ATRN: variants seen among roughly 807,000 people sequenced by gnomAD.
ATRN encodes attractin.
ATRN carries 54 observed loss-of-function variants against 178.7 expected under a neutral mutation model. The ratio of observed to expected loss-of-function variants is 0.30; its 90% confidence interval spans 0.24 to 0.38. ATRN has a LOEUF of 0.38. Among genes scored for constraint, ATRN ranks in the 10% least tolerant of loss-of-function variants. ATRN has a pLI of 1.00. For missense variants in ATRN, 1,443 were observed against 1,815.1 expected, an observed-to-expected ratio of 0.79 and a Z score of 3.73; for synonymous variants, 636 against 663.0, an observed-to-expected ratio of 0.96 and a Z score of 0.63.
chr20:3,492,108 T>C (rs978096465), intron 1 of ATRN, among the ~76,000 whole-genome samples: 6 of 151,796 alleles, frequency 4.0e-5, no homozygotes, highest in Non-Finnish European at 8.8e-5. Context: ...TTCAGGGCCC[T>C]GTGAGAGATT....
At chr20:3,591,535 C>T (rs2086442531) in intron 19 of ATRN, among the ~76,000 whole-genome samples, 1 of 152,220 alleles carries the variant, frequency 6.6e-6, no homozygotes, top group African/African-American at 2.4e-5. Flanking sequence ...TGACCACATT[C>T]TGCAGTGGTA....
chr20:3,504,004 G>A (rs2084999161), intron 1 of ATRN, among the ~76,000 whole-genome samples: 1 of 152,070 alleles, frequency 6.6e-6, no homozygotes, highest in African/African-American at 2.4e-5. Context: ...AATTCAAATG[G>A]CAGTAGATTT....
intron 1 of ATRN, among the ~76,000 whole-genome samples, chr20:3,506,869 TAGAA>T (rs2085051891): frequency 6.6e-6 from 1 of 151,808 alleles, no homozygotes; most frequent in African/African-American, 2.4e-5. Context: ...AGTAGAGAAA[TAGAA>T]AGTATAAAAA....
chr20:3,558,152 A>G (rs1330774921), intron 6 of ATRN, among the ~76,000 whole-genome samples: 8 of 152,218 alleles, frequency 5.3e-5, no homozygotes, highest in Non-Finnish European at 1.2e-4. Context: ...TATACTTTAC[A>G]TATATGTTAT....
chr20:3,536,108 T>G (rs2085528804), intron 2 of ATRN, among the ~76,000 whole-genome samples: 1 of 152,180 alleles, frequency 6.6e-6, no homozygotes, highest in Admixed American at 6.5e-5. Context: ...CTCCTTGTCT[T>G]CATGGGAGAC....
intron 6 of ATRN, among the ~76,000 whole-genome samples, chr20:3,555,531 A>C (rs904302051): frequency 1.4e-5 from 2 of 142,042 alleles, no homozygotes; most frequent in Admixed American, 7.2e-5. Context: ...AAATTAGAAT[A>C]TGATCTGAGC....
rs992033668 is a variant in ATRN at position 3,649,914 on chromosome 20, C to T, written c.*3067C>T. On this transcript the variant is annotated 3_prime_UTR_variant, in exon 29 of 29. Coordinates refer to ENST00000262919, the MANE Select transcript of ATRN (RefSeq NM_139321.3). ...TTGTTGATAAATAGTTCCCATTTCC[C>T]CATGGAGAATTTGACATACCCTGGA... 1.3e-5 allele frequency: 2 copies of T among 152,238 alleles called. No homozygotes were observed. The highest frequency in any genetic ancestry group is 4.8e-5 in the African/African-American group (2 of 41,516). The allele number at this position is 152,238 out of a possible 1,614,324, so 9.4% of individuals were successfully genotyped here.
intron 1 of ATRN, among the ~76,000 whole-genome samples, chr20:3,473,145 T>TA (rs1294354382): frequency 1.3e-5 from 2 of 152,206 alleles, no homozygotes; most frequent in Non-Finnish European, 2.9e-5. Flanking sequence ...GATACAGTGG[T>TA]ATACAAGACA....
intron 1 of ATRN, among the ~76,000 whole-genome samples, chr20:3,512,870 A>G (rs1235291183): frequency 6.6e-6 from 1 of 152,046 alleles, no homozygotes; most frequent in Non-Finnish European, 1.5e-5. Flanking sequence ...GATGATGAGC[A>G]TTTTTTCACG....
chr20:3,517,948 G>A lies in ATRN; in HGVS notation c.411-17305G>A, dbSNP rs1261281675. On this transcript the variant is annotated intron_variant, in intron 1 of 28. Coordinates refer to ENST00000262919, the MANE Select transcript of ATRN (RefSeq NM_139321.3). ...AGGTGGCCTCTTTGCACATAGAATCGTGACCTTTATTTTCAACATCTGAAG... is the reference window on the plus strand; with the variant it reads ...AGGTGGCCTCTTTGCACATAGAATCATGACCTTTATTTTCAACATCTGAAG... Among the ~76,000 whole-genome samples the A allele has an allele frequency of 2.0e-5, 3 of 152,236 alleles. 1 individual carries two copies. The highest frequency in any genetic ancestry group is 2.4e-5 in the African/African-American group (1 of 41,536).
At chr20:3,622,627 G>A (rs1398672840) in intron 24 of ATRN, among the ~76,000 whole-genome samples, 1 of 152,204 alleles carries the variant, frequency 6.6e-6, no homozygotes, top group African/African-American at 2.4e-5. Flanking sequence ...CGCAGTGGGC[G>A]GGGTATTCAG....
intron 25 of ATRN, 80 bp from the exon 26 acceptor site, chr20:3,634,219 AGCTGTTTTCACT>A: frequency 9.0e-7 from 1 of 1,107,270 alleles, no homozygotes. Flanking sequence ...GGCATGTGGG[AGCTGTTTTCACT>A]GCCTGGCCTG....
At chr20:3,532,148 A>G (rs961044298) in intron 1 of ATRN, among the ~76,000 whole-genome samples, 2 of 152,114 alleles carry the variant, frequency 1.3e-5, no homozygotes, top group African/African-American at 4.8e-5. Context: ...AAAAACAAAA[A>G]ACACAAATAT....
chr20:3,567,281 TC>T lies in ATRN; in HGVS notation c.1871+1851del, dbSNP rs35122628. 2.4e-3 allele frequency among the ~76,000 whole-genome samples: 373 copies of T among 152,332 alleles called. 3 individuals carry two copies. Among genetic ancestry groups the T allele is most frequent in the African/African-American group, 8.4e-3 (348 of 41,582 alleles). ...TGGCCTCAACTGTCTTCGTTTGTGT[TC>T]CTAGTTCTCCTAGCACAGGATTTGG... is the stretch of plus-strand genomic sequence containing the variant. On this transcript the variant is annotated intron_variant, in intron 11 of 28. Transcript: ENST00000262919.
At chr20:3,506,930 A>G (rs2085052539) in intron 1 of ATRN, among the ~76,000 whole-genome samples, 1 of 152,168 alleles carries the variant, frequency 6.6e-6, no homozygotes, top group South Asian at 2.1e-4. Context: ...GAAGAGCCTT[A>G]GAAGAGAATT....
chr20:3,501,235 A>T (rs1251083204), intron 1 of ATRN, among the ~76,000 whole-genome samples: 1 of 152,190 alleles, frequency 6.6e-6, no homozygotes, highest in African/African-American at 2.4e-5. Context: ...GAAGTTGTTG[A>T]TTAAGGATAT....
chr20:3,627,216 C>A (rs1043327207), intron 25 of ATRN, among the ~76,000 whole-genome samples: 2 of 152,220 alleles, frequency 1.3e-5, no homozygotes, highest in African/African-American at 4.8e-5. Flanking sequence ...TGGCTCTCCA[C>A]CTTAGCTGCA....
chr20:3,579,018 A>G (rs1355270565), intron 15 of ATRN, among the ~76,000 whole-genome samples: 1 of 152,184 alleles, frequency 6.6e-6, no homozygotes, highest in Non-Finnish European at 1.5e-5. Flanking sequence ...TAACATGTAT[A>G]TGTGTACATA....
chr20:3,472,440 G>A (rs1160689618), intron 1 of ATRN, among the ~76,000 whole-genome samples: 1 of 152,168 alleles, frequency 6.6e-6, no homozygotes, highest in Non-Finnish European at 1.5e-5. Context: ...TCTGATGTGG[G>A]GGAGTGGGGA....
Sources: gnomAD v4.1 joint callset for allele counts (sites outside exome capture counted in the v4.1 genomes callset) on GRCh38, gnomAD v4.1.1 for gene constraint, MANE v1.5 for transcripts, NCBI Gene and HGNC (gene_info 2026-07-23, HGNC 2026-07-21) for gene names.